The following RGS17 variants were observed in gnomAD, a reference collection of about 807,000 sequenced individuals.
The protein encoded by RGS17 is regulator of G protein signaling 17.
In RGS17, 12 loss-of-function variants were observed where a neutral mutation model predicts 25.5. That is an observed-to-expected ratio of 0.47 (90% CI 0.30 to 0.76). The LOEUF (loss-of-function observed/expected upper bound fraction) is 0.76, where lower values mean the gene tolerates loss of function less well. Among genes scored for constraint, RGS17 ranks in the 30% least tolerant of loss-of-function variants. The pLI is 0.07. For missense variants in RGS17, 196 were observed against 242.2 expected, an observed-to-expected ratio of 0.81 and a Z score of 1.27; for synonymous variants, 71 against 76.9, an observed-to-expected ratio of 0.92 and a Z score of 0.40.
At chr6:153,016,500 G>A (rs1232424383) in intron 4 of RGS17, among the ~76,000 whole-genome samples, 1 of 152,042 alleles carries the variant, frequency 6.6e-6, no homozygotes, top group Non-Finnish European at 1.5e-5. Context: ...TAGTGTAAAA[G>A]TTTCTTCTCA....
chr6:153,116,524 C>T (rs1777549346), intron 1 of RGS17, among the ~76,000 whole-genome samples: 1 of 152,128 alleles, frequency 6.6e-6, no homozygotes, highest in Non-Finnish European at 1.5e-5. Context: ...GCCAATTCCT[C>T]AAGGAACTAG....
rs1390583701 is a variant in RGS17, at chr6:153,130,641, TC to T, written c.-26+482del. On this transcript the variant is annotated intron_variant, in intron 1 of 4. Coordinates refer to ENST00000206262, the MANE Select transcript of RGS17 (RefSeq NM_012419.5). The surrounding 1 kb of genome is among the most constrained non-coding windows in gnomAD (Gnocchi z 6.4). ...GGAGGAAACACAGCACCCAAGGTGA[TC>T]AGTCGATTGGACACTGTTGATGGCA... Among the ~76,000 whole-genome samples, 1 of 152,126 alleles carries T rather than the reference TC, an allele frequency of 6.6e-6. No homozygotes were observed. Among genetic ancestry groups the T allele is most frequent in the African/African-American group, 2.4e-5 (1 of 41,442 alleles).
chr6:153,007,774 A>G lies in RGS17; in HGVS notation c.*3800T>C, dbSNP rs1454767213. 6.6e-6 allele frequency: 1 copy of G among 152,124 alleles called. No homozygotes were observed. Among genetic ancestry groups the G allele is most frequent in the Non-Finnish European group, 1.5e-5 (1 of 68,040 alleles). The allele number at this position is 152,124 out of a possible 1,614,324, so 9.4% of individuals were successfully genotyped here. On this transcript the variant is annotated 3_prime_UTR_variant, in exon 5 of 5. Coordinates refer to ENST00000206262, the MANE Select transcript of RGS17 (RefSeq NM_012419.5). ...GCCCGGCTAATTTTGTATTTTTACT[A>G]GAGTCGGGGTTTCACCATGTTGGCC...
intron 1 of RGS17, among the ~76,000 whole-genome samples, chr6:153,121,345 CTATT>C (rs1288722519): frequency 6.6e-6 from 1 of 152,096 alleles, no homozygotes; most frequent in Admixed American, 6.5e-5. Context: ...GGAACATAAC[CTATT>C]TCTTTTTCCC....
intron 2 of RGS17, among the ~76,000 whole-genome samples, chr6:153,040,273 G>T (rs1268560572): frequency 6.6e-6 from 1 of 152,140 alleles, no homozygotes; most frequent in Non-Finnish European, 1.5e-5. Context: ...AATTTTGAAA[G>T]AAACTGTGGA....
intron 1 of RGS17, among the ~76,000 whole-genome samples, chr6:153,070,706 TAC>T (rs1436462673): frequency 9.5e-6 from 1 of 105,134 alleles, no homozygotes; most frequent in African/African-American, 3.3e-5. Context: ...TGTGTGTATA[TAC>T]ATATATATAT....
intron 1 of RGS17, among the ~76,000 whole-genome samples, chr6:153,097,142 C>T (rs983769444): frequency 6.6e-6 from 1 of 151,980 alleles, no homozygotes; most frequent in Non-Finnish European, 1.5e-5. Context: ...TTGCATGAAA[C>T]AATTATCAAA....
rs34438717 is a variant in RGS17, at chr6:153,026,508, G to A, written c.155C>T (p.Ala52Val). The A allele has an allele frequency of 2.3e-5, 37 of 1,613,058 alleles. No individual in the cohort carries two copies. In the African/African-American group the frequency reaches 2.9e-4, roughly 13 times the overall value. ...TVRNEERGENAGRPTHTTKME... is the reference protein window; with the variant it reads ...TVRNEERGENVGRPTHTTKME... The stretch of plus-strand genomic sequence containing the variant: ...TTTTGTAGTGTGTGTGGGTCTTCCC[G>A]CATTTTCCCCTCTTTCTTCATTCCT... Residue 52 changes from alanine to valine, a missense_variant, in exon 3 of 5, where the codon GCG becomes GTG. Physicochemically the swap from Ala to Val is moderately conservative, Grantham distance 64 (BLOSUM62 0). Around this residue, in one of 2 missense-constraint regions of RGS17, gnomAD observed 179 missense variants for 197.6 expected, o/e 0.91. Coordinates refer to ENST00000206262, the MANE Select transcript of RGS17 (RefSeq NM_012419.5).
At chr6:153,083,125 G>A (rs1777006798) in intron 1 of RGS17, among the ~76,000 whole-genome samples, 1 of 152,124 alleles carries the variant, frequency 6.6e-6, no homozygotes, top group African/African-American at 2.4e-5. Flanking sequence ...AAAGACCGTA[G>A]GCAGATTTCT....
chr6:153,050,482 T>C (rs1424758523), intron 1 of RGS17, among the ~76,000 whole-genome samples: 1 of 152,164 alleles, frequency 6.6e-6, no homozygotes, highest in African/African-American at 2.4e-5. Context: ...CCAAATTAAA[T>C]GAATAGATGC....
chr6:153,008,185 C>G lies in RGS17; in HGVS notation c.*3389G>C, dbSNP rs1468625187. ...TTCACTTATCCCTATAGTCCTTTGG[C>G]AAAACTGAACTATCAGGTAGATAAA... On this transcript the variant is annotated 3_prime_UTR_variant, in exon 5 of 5. Coordinates refer to ENST00000206262, the MANE Select transcript of RGS17 (RefSeq NM_012419.5). 6.6e-6 allele frequency: 1 copy of G among 152,102 alleles called. No individual in the cohort carries two copies. The highest frequency in any genetic ancestry group is 1.5e-5 in the Non-Finnish European group (1 of 68,020). The allele number at this position is 152,102 out of a possible 1,614,324, so 9.4% of individuals were successfully genotyped here.
chr6:153,117,024 G>C (rs1186333963), intron 1 of RGS17, among the ~76,000 whole-genome samples: 1 of 152,134 alleles, frequency 6.6e-6, no homozygotes, highest in African/African-American at 2.4e-5. Context: ...GCATACCTAT[G>C]TAACAAACCT....
chr6:153,120,778 C>A (rs1777619395), intron 1 of RGS17, among the ~76,000 whole-genome samples: 1 of 152,146 alleles, frequency 6.6e-6, no homozygotes, highest in Non-Finnish European at 1.5e-5. Flanking sequence ...AAATATTGTG[C>A]ACAAAATGGT....
chr6:153,034,094 A>G (rs952129608), intron 2 of RGS17, among the ~76,000 whole-genome samples: 2 of 152,186 alleles, frequency 1.3e-5, no homozygotes, highest in African/African-American at 4.8e-5. Flanking sequence ...GAATATTCAG[A>G]AATATATCTG....
chr6:153,106,129 C>T (rs1230630593), intron 1 of RGS17, among the ~76,000 whole-genome samples: 3 of 151,922 alleles, frequency 2.0e-5, no homozygotes, highest in South Asian at 2.1e-4. Flanking sequence ...GGGTCAAGGT[C>T]GACTCCTGGG....
chr6:153,092,015 C>T (rs1040768191), intron 1 of RGS17, among the ~76,000 whole-genome samples: 2 of 151,968 alleles, frequency 1.3e-5, no homozygotes, highest in Non-Finnish European at 2.9e-5. Flanking sequence ...AGTAGAAATG[C>T]GATGTCCAGA....
intron 1 of RGS17, among the ~76,000 whole-genome samples, chr6:153,084,559 A>G (rs1777027463): frequency 6.6e-6 from 1 of 152,138 alleles, no homozygotes; most frequent in Non-Finnish European, 1.5e-5. Context: ...AAGGGAAAGG[A>G]ATGATAGAGA....
intron 1 of RGS17, among the ~76,000 whole-genome samples, chr6:153,109,979 T>C (rs1009478364): frequency 4.6e-5 from 7 of 152,260 alleles, no homozygotes; most frequent in African/African-American, 1.7e-4. Flanking sequence ...ATAAAAATGA[T>C]ATACTGTTTC....
chr6:153,090,837 A>G (rs978122391), intron 1 of RGS17, among the ~76,000 whole-genome samples: 3 of 137,164 alleles, frequency 2.2e-5, no homozygotes, highest in Admixed American at 1.4e-4. Flanking sequence ...TACAGGGTTC[A>G]GTAAAAAAAC....
Sources: gnomAD v4.1 joint callset for allele counts (sites outside exome capture counted in the v4.1 genomes callset) on GRCh38, gnomAD v4.1.1 for gene constraint, gnomAD v4.1.1 regional missense constraint, Gnocchi (gnomAD v3.1) non-coding constraint, MANE v1.5 for transcripts, NCBI Gene and HGNC (gene_info 2026-07-23, HGNC 2026-07-21) for gene names.